Variants in TENM3 observed in about 807,000 individuals in gnomAD.
TENM3 encodes the protein teneurin-3.
In TENM3, 63 loss-of-function variants were observed where a neutral mutation model predicts 255.1. The ratio of observed to expected loss-of-function variants is 0.25; its 90% CI spans 0.20 to 0.30. The LOEUF is 0.30. Ranked by LOEUF, TENM3 falls within the 10% of genes least tolerant of loss-of-function variation. TENM3 has a pLI of 1.00. For synonymous variants in TENM3, 1,306 were observed against 1,322.3 expected (o/e 0.99, Z 0.27); for missense variants, 2,929 against 3,461.1 (o/e 0.85, Z 3.86).
chr4:182,520,530 G>A (rs368698274), intron 3 of TENM3, among the ~76,000 whole-genome samples: 2 of 152,072 alleles, frequency 1.3e-5, no homozygotes, highest in East Asian at 1.9e-4. Context: ...AAAGTATCTC[G>A]TTTCACATAT....
intron 3 of TENM3, among the ~76,000 whole-genome samples, chr4:182,353,919 C>G (rs914538418): frequency 2.0e-5 from 3 of 151,060 alleles, no homozygotes; most frequent in Non-Finnish European, 4.4e-5. Flanking sequence ...GAGCCGAGAT[C>G]GTGCCACTGC....
the TENM3 span, among the ~76,000 whole-genome samples, chr4:182,124,159 C>A: frequency 4.6e-5 from 7 of 152,316 alleles, no homozygotes; most frequent in Admixed American, 4.6e-4. Context: ...TCAAGCAATT[C>A]TCCTATCTCA....
intron 3 of TENM3, among the ~76,000 whole-genome samples, chr4:182,567,133 C>T (rs985265218): frequency 7.9e-5 from 12 of 152,114 alleles, no homozygotes; most frequent in African/African-American, 2.2e-4. Context: ...GGTCGTAGAG[C>T]GCAAAAGGGA....
rs1235970095 is a variant in TENM3 at position 182,576,588 on chromosome 4, C to G, written c.512-24336C>G. Among the ~76,000 whole-genome samples the G allele has an allele frequency of 3.3e-5, 5 of 152,274 alleles. No individual in the cohort carries two copies. The East Asian group carries it at 9.7e-4, about 29-fold the overall frequency. ...TACTTTGGAAATTATATGGTTGACC[C>G]TCTTTTTTACCCAATGCTTCATTTA... On this transcript the variant is annotated intron_variant, in intron 3 of 27. Transcript: ENST00000511685.
At chr4:181,667,434 A>T in the TENM3 span, among the ~76,000 whole-genome samples, 1 of 152,120 alleles carries the variant, frequency 6.6e-6, no homozygotes, top group African/African-American at 2.4e-5. Flanking sequence ...ATCCCCCAAA[A>T]AGCATGTGTT....
chr4:182,483,489 A>G (rs1457478857), intron 3 of TENM3, among the ~76,000 whole-genome samples: 1 of 152,172 alleles, frequency 6.6e-6, no homozygotes, highest in South Asian at 2.1e-4. Context: ...GTTCTCCTAG[A>G]TGTGATTTAA....
intron 13 of TENM3, among the ~76,000 whole-genome samples, chr4:182,719,336 A>G (rs1211971921): frequency 1.6e-5 from 2 of 123,194 alleles, no homozygotes; most frequent in East Asian, 2.6e-4. Context: ...GTCTCGGCTC[A>G]CTGCAACCTC....
chr4:182,461,947 A>G (rs939015222), intron 3 of TENM3, among the ~76,000 whole-genome samples: 4 of 152,118 alleles, frequency 2.6e-5, no homozygotes, highest in African/African-American at 7.2e-5. Context: ...GGTCATTACT[A>G]TTAGCGTGGC....
At chr4:182,618,169 A>T (rs1041478845) in intron 4 of TENM3, among the ~76,000 whole-genome samples, 5 of 152,084 alleles carry the variant, frequency 3.3e-5, no homozygotes, top group Non-Finnish European at 7.4e-5. Flanking sequence ...TTTCTTTTTG[A>T]TTTTTATTTT....
the TENM3 span, among the ~76,000 whole-genome samples, chr4:181,594,648 G>A: frequency 2.6e-5 from 4 of 152,066 alleles, no homozygotes; most frequent in Non-Finnish European, 5.9e-5. Context: ...CGGGTTCCAT[G>A]GTTCTTAATG....
intron 2 of TENM3, among the ~76,000 whole-genome samples, chr4:182,326,827 G>A (rs970427931): frequency 1.3e-5 from 2 of 152,160 alleles, no homozygotes; most frequent in African/African-American, 4.8e-5. Context: ...ACAGGCCTGA[G>A]CCACCACGCC....
chr4:182,156,669 T>C (rs1024258976), intron 1 of TENM3, among the ~76,000 whole-genome samples: 1 of 151,442 alleles, frequency 6.6e-6, no homozygotes, highest in Non-Finnish European at 1.5e-5. Flanking sequence ...TACATTTAAT[T>C]TGATGTAGCA....
the TENM3 span, among the ~76,000 whole-genome samples, chr4:181,723,859 A>C: frequency 6.6e-6 from 1 of 152,210 alleles, no homozygotes; most frequent in Non-Finnish European, 1.5e-5. Flanking sequence ...ATTCTGAGAA[A>C]AGAACATTTT....
rs560386420 is a variant in TENM3, at chr4:182,536,668, C to T, written c.512-64256C>T. Among the ~76,000 whole-genome samples the T allele has an allele frequency of 9.2e-5, 14 of 152,282 alleles. No individual in the cohort carries two copies. In the South Asian group the frequency reaches 2.7e-3, roughly 29 times the overall value. ...ATGTTTTCCTGCTTTGATGGCTTGGCGGAACGCTGGGCACATATAAATATT... is the reference window on the plus strand; with the variant it reads ...ATGTTTTCCTGCTTTGATGGCTTGGTGGAACGCTGGGCACATATAAATATT... On this transcript the variant is annotated intron_variant, in intron 3 of 27. Transcript: ENST00000511685.
intron 1 of TENM3, among the ~76,000 whole-genome samples, chr4:182,257,604 T>C (rs1191101899): frequency 6.6e-6 from 1 of 152,178 alleles, no homozygotes; most frequent in Non-Finnish European, 1.5e-5. Context: ...TTTCTGTGGC[T>C]TTAACTAACT....
chr4:182,689,230 A>C (rs1005487779), intron 12 of TENM3, among the ~76,000 whole-genome samples: 2 of 152,184 alleles, frequency 1.3e-5, no homozygotes, highest in Non-Finnish European at 2.9e-5. Flanking sequence ...GTATTTCTCC[A>C]CATTGTTTTA....
the TENM3 span, among the ~76,000 whole-genome samples, chr4:181,959,056 T>A: frequency 6.6e-6 from 1 of 152,184 alleles, no homozygotes; most frequent in Non-Finnish European, 1.5e-5. Context: ...GTTGTTTGTT[T>A]GGTTTGGTGA....
At chr4:182,797,447 A>AAT (rs982603778) in intron 27 of TENM3, among the ~76,000 whole-genome samples, 1 of 152,014 alleles carries the variant, frequency 6.6e-6, no homozygotes, top group African/African-American at 2.4e-5. Flanking sequence ...CTCAAAAAAA[A>AAT]AATAATTAAT....
chr4:181,509,673 G>A, the TENM3 span, among the ~76,000 whole-genome samples: 1 of 152,312 alleles, frequency 6.6e-6, no homozygotes, highest in South Asian at 2.1e-4. Context: ...GCCCTAAGTG[G>A]AATGATTTCA....
Sources: allele counts gnomAD v4.1 joint callset (sites outside exome capture counted in the v4.1 genomes callset), GRCh38; gene constraint gnomAD v4.1.1; transcripts MANE v1.5; gene names NCBI Gene and HGNC (gene_info 2026-07-23, HGNC 2026-07-21).